CADPS2: variants seen among roughly 807,000 people sequenced by gnomAD.
CADPS2 encodes calcium-dependent secretion activator 2.
Under a neutral mutation model 172.5 loss-of-function variants are expected in CADPS2, and 93 were observed. The ratio of observed to expected loss-of-function variants is 0.54; its 90% CI spans 0.46 to 0.64. The LOEUF (loss-of-function observed/expected upper bound fraction) is 0.64. Among genes scored for constraint, CADPS2 ranks in the 30% least tolerant of loss-of-function variants. The pLI is 0.00. For synonymous variants in CADPS2, 546 were observed against 555.2 expected (o/e 0.98, Z 0.23); for missense variants, 1,420 against 1,565.9 (o/e 0.91, Z 1.57).
intron 20 of CADPS2, among the ~76,000 whole-genome samples, chr7:122,398,008 G>C (rs2045398999): frequency 6.6e-6 from 1 of 152,210 alleles, no homozygotes; most frequent in Non-Finnish European, 1.5e-5. Flanking sequence ...AAATAATGAG[G>C]CATCAATGAC....
At chr7:122,878,888 G>A (rs2141689293) in intron 1 of CADPS2, among the ~76,000 whole-genome samples, 1 of 152,096 alleles carries the variant, frequency 6.6e-6, no homozygotes, top group South Asian at 2.1e-4. Context: ...GTTTACCAAG[G>A]AAATAATTAA....
At chr7:122,388,081 T>G (rs1481463196) in intron 23 of CADPS2, among the ~76,000 whole-genome samples, 1 of 152,084 alleles carries the variant, frequency 6.6e-6, no homozygotes, top group Non-Finnish European at 1.5e-5. Flanking sequence ...CCTCATAACT[T>G]ATTTCCAGTT....
chr7:122,554,763 A>T, intron 7 of CADPS2, 74 bp from the exon 8 acceptor site: 1 of 1,309,958 alleles, frequency 7.6e-7, no homozygotes, highest in Non-Finnish European at 1.0e-6. Context: ...AATATTTTCT[A>T]TGTTTTCCTG....
intron 3 of CADPS2, among the ~76,000 whole-genome samples, chr7:122,639,709 C>T (rs1471631157): frequency 6.6e-6 from 1 of 152,138 alleles, no homozygotes; most frequent in African/African-American, 2.4e-5. Flanking sequence ...CCCCATTTTA[C>T]AAAATACTTC....
chr7:122,697,588 C>T (rs1459346397), intron 2 of CADPS2: 4 of 501,712 alleles, frequency 8.0e-6, no homozygotes, highest in Non-Finnish European at 1.4e-5. Context: ...AAAAATTACA[C>T]TTAGCAAAGG....
intron 8 of CADPS2, among the ~76,000 whole-genome samples, chr7:122,528,119 G>T (rs1345065749): frequency 3.5e-5 from 1 of 28,884 alleles, no homozygotes; most frequent in Non-Finnish European, 8.7e-5. Context: ...TAGTGGTGGT[G>T]GTGGTGGTGG....
rs1473106762 is a variant in CADPS2 at position 122,833,316 on chromosome 7, A to T, written c.339+52683T>A. ...GTTATTGTAAATCAATTCAAGAAAG[A>T]ATTAATAAATTGATATGTACCATGC... On this transcript the variant is annotated intron_variant, in intron 1 of 29. Transcript: ENST00000449022. Among the ~76,000 whole-genome samples the T allele has an allele frequency of 2.6e-5, 4 of 152,148 alleles. No individual in the cohort carries two copies. The South Asian group carries it at 8.3e-4, about 32-fold the overall frequency.
At chr7:122,440,751 A>G (rs1026128808) in intron 16 of CADPS2, among the ~76,000 whole-genome samples, 1 of 152,184 alleles carries the variant, frequency 6.6e-6, no homozygotes, top group East Asian at 1.9e-4. Flanking sequence ...CAGGATTACA[A>G]TAATCAAATT....
Position 122,538,592 on chromosome 7 carries a change from AG to A in CADPS2, c.1475+15957del, listed in dbSNP as rs370207701. 3.4e-4 allele frequency among the ~76,000 whole-genome samples: 52 copies of A among 152,192 alleles called. No homozygotes were observed. In the East Asian group the frequency reaches 9.3e-3, roughly 27 times the overall value. ...TATAAATTACTATATTGATAGTTCAAGGAGAAAAATATCATTGCTTCCCCTT... is the reference window on the plus strand; with the variant it reads ...TATAAATTACTATATTGATAGTTCAAGAGAAAAATATCATTGCTTCCCCTT... On this transcript the variant is annotated intron_variant, in intron 8 of 29. Coordinates refer to ENST00000449022, the MANE Select transcript of CADPS2 (RefSeq NM_017954.11).
chr7:122,591,295 C>G (rs1425937515), intron 6 of CADPS2, among the ~76,000 whole-genome samples: 1 of 152,076 alleles, frequency 6.6e-6, no homozygotes, highest in Non-Finnish European at 1.5e-5. Flanking sequence ...TGAAGGAACT[C>G]TTCAAAGAGA....
At chr7:122,847,824 C>T (rs1165076012) in intron 1 of CADPS2, among the ~76,000 whole-genome samples, 1 of 152,028 alleles carries the variant, frequency 6.6e-6, no homozygotes, top group East Asian at 1.9e-4. Flanking sequence ...TGGAAAGGAA[C>T]AAAAAATACA....
chr7:122,536,448 C>T (rs935649838), intron 8 of CADPS2, among the ~76,000 whole-genome samples: 5 of 151,826 alleles, frequency 3.3e-5, no homozygotes, highest in African/African-American at 1.2e-4. Context: ...TCAATTGGGC[C>T]CATAAAAGAT....
intron 8 of CADPS2, among the ~76,000 whole-genome samples, chr7:122,546,678 T>C (rs1009215755): frequency 9.9e-5 from 15 of 152,186 alleles, no homozygotes; most frequent in African/African-American, 3.6e-4. Context: ...TATGTAACCT[T>C]CTGCTCCTAA....
chr7:122,886,302 G>A lies in CADPS2; in HGVS notation c.36C>T (p.Asp12=), dbSNP rs1305268363. 1 of 1,503,786 alleles carries A rather than the reference G, an allele frequency of 6.6e-7. No homozygotes were observed. The highest frequency in any genetic ancestry group is 2.2e-5 in the Admixed American group (1 of 46,388). The allele number at this position is 1,503,786 out of a possible 1,614,324, so 93.2% of individuals were successfully genotyped here. ...LDPSSSEEES[D]EGLEEESRDV... ...CGCGGCTTTCCTCTTCCAGCCCCTC[G>A]TCCGACTCCTCTTCGCTGGAAGACG... The change falls in exon 1 of 30, where the codon GAC becomes GAT. Residue 12 remains aspartate, a synonymous_variant. Transcript: ENST00000449022.
intron 7 of CADPS2, among the ~76,000 whole-genome samples, chr7:122,572,428 GTATTA>G (rs1250285609): frequency 6.6e-6 from 1 of 152,062 alleles, no homozygotes; most frequent in Non-Finnish European, 1.5e-5. Flanking sequence ...TGAAGATGTG[GTATTA>G]AGGCCATGAA....
chr7:122,613,564 T>C (rs997748775), intron 6 of CADPS2, among the ~76,000 whole-genome samples: 4 of 152,146 alleles, frequency 2.6e-5, no homozygotes, highest in African/African-American at 7.2e-5. Flanking sequence ...CATGACTGTA[T>C]ATAATTCTAT....
chr7:122,455,869 G>A (rs753843028), intron 14 of CADPS2, among the ~76,000 whole-genome samples: 1 of 151,960 alleles, frequency 6.6e-6, no homozygotes, highest in Non-Finnish European at 1.5e-5. Flanking sequence ...ACCACACCTG[G>A]CTAATTTTGT....
intron 1 of CADPS2, among the ~76,000 whole-genome samples, chr7:122,793,959 A>G (rs893562359): frequency 6.6e-6 from 1 of 151,780 alleles, no homozygotes. Context: ...TTGACCCCCA[A>G]TCTCTTCTGG....
chr7:122,615,296 C>T lies in CADPS2; in HGVS notation c.1108G>A (p.Val370Ile). 2.0e-6 allele frequency: 3 copies of T among 1,523,772 alleles called. No homozygotes were observed. Among genetic ancestry groups the T allele is most frequent in the South Asian group, 1.2e-5 (1 of 82,064 alleles). 94.4% of individuals were successfully genotyped at this position (1,523,772 alleles called of 1,614,324 possible). A position where few individuals can be genotyped will look rare whatever the true frequency, so the allele number is the denominator to read the frequency against. Residue 370 changes from valine to isoleucine, a missense_variant, in exon 6 of 30, where the codon GTC (valine) becomes ATC (isoleucine). Physicochemically the swap from Val to Ile is conservative, Grantham distance 29. Coordinates refer to ENST00000449022, the MANE Select transcript of CADPS2 (RefSeq NM_017954.11). Reference protein sequence around the residue: ...DVVLSFTLEIVIMEVQGLKSV... With the variant: ...DVVLSFTLEIIIMEVQGLKSV... ...TTCAGGCCTTGCACTTCCATTATGA[C>T]AATCTAAAGATAAAATGATTTTAAA...
Sources: gnomAD v4.1 joint callset for allele counts (sites outside exome capture counted in the v4.1 genomes callset) on GRCh38, gnomAD v4.1.1 for gene constraint, MANE v1.5 for transcripts, NCBI Gene and HGNC (gene_info 2026-07-23, HGNC 2026-07-21) for gene names.